Variants in PTGFR observed in about 807,000 individuals in gnomAD.
PTGFR encodes the protein prostaglandin F2-alpha receptor.
PTGFR carries 15 observed loss-of-function variants against 26.2 expected under a neutral mutation model. The ratio of observed to expected loss-of-function variants is 0.57; its 90% CI spans 0.38 to 0.88. PTGFR has a LOEUF of 0.88. Among genes scored for constraint, PTGFR ranks in the 40% least tolerant of loss-of-function variants. The pLI, the probability that PTGFR is intolerant of heterozygous loss-of-function variation, is 0.00. For missense variants in PTGFR, 369 were observed against 427.2 expected, an observed-to-expected ratio of 0.86 and a Z score of 1.20; for synonymous variants, 165 against 151.1, an observed-to-expected ratio of 1.09 and a Z score of -0.68.
chr1:78,491,843 A>T (rs927579891), intron 1 of PTGFR, among the ~76,000 whole-genome samples: 1 of 152,214 alleles, frequency 6.6e-6, no homozygotes, highest in Non-Finnish European at 1.5e-5. Flanking sequence ...ATTAGCTCAG[A>T]GAAGAGTGGC....
chr1:78,513,187 G>T (rs758405602), intron 2 of PTGFR, among the ~76,000 whole-genome samples: 4 of 152,192 alleles, frequency 2.6e-5, no homozygotes, highest in Non-Finnish European at 4.4e-5. Flanking sequence ...ATGGGCAGAG[G>T]TTGGAAGAAT....
chr1:78,505,184 G>C (rs867040917), intron 2 of PTGFR, among the ~76,000 whole-genome samples: 1 of 145,220 alleles, frequency 6.9e-6, no homozygotes, highest in Non-Finnish European at 1.5e-5. Context: ...GTGCAGTGAC[G>C]TGACCTTGGC....
In PTGFR at chr1:78,519,388, T is replaced by C. The variant is rs114325157; in HGVS notation, c.799-17018T>C. 3.1e-3 allele frequency among the ~76,000 whole-genome samples: 471 copies of C among 152,224 alleles called. 3 individuals carry two copies. The highest frequency in any genetic ancestry group is 0.011 in the African/African-American group (461 of 41,540). On this transcript the variant is annotated intron_variant, in intron 2 of 2. Transcript: ENST00000370757. ...AATAGATAATAACCTCTGTAAAATA[T>C]AGATAATATTTTTGACTCTATCACT...
Position 78,501,608 on chromosome 1 carries a change from A to G in PTGFR, c.798+8067A>G, listed in dbSNP as rs1649707847. Among the ~76,000 whole-genome samples, 6 of 152,188 alleles carry G rather than the reference A, an allele frequency of 3.9e-5. No homozygotes were observed. In the South Asian group the frequency reaches 1.2e-3, roughly 32 times the overall value. On this transcript the variant is annotated intron_variant, in intron 2 of 2. Coordinates refer to ENST00000370757, the MANE Select transcript of PTGFR (RefSeq NM_000959.4). Reference sequence around the variant, plus strand: ...GAAATTCAGACTGTGGAATACTGAAATGGAGTGTGGCCGTGGTGTGATGGT... The same window carrying G: ...GAAATTCAGACTGTGGAATACTGAAGTGGAGTGTGGCCGTGGTGTGATGGT...
chr1:78,503,464 G>T (rs1016603517), intron 2 of PTGFR, among the ~76,000 whole-genome samples: 1 of 152,220 alleles, frequency 6.6e-6, no homozygotes, highest in Non-Finnish European at 1.5e-5. Flanking sequence ...GTTCATTTAC[G>T]TTTTCATTTA....
At position 78,495,778 on chromosome 1, in the gene PTGFR, T is replaced by C. The variant is rs1236668046; in HGVS notation, c.798+2237T>C. On this transcript the variant is annotated intron_variant, in intron 2 of 2. Coordinates refer to ENST00000370757, the MANE Select transcript of PTGFR (RefSeq NM_000959.4). ...TCTTGGTGTGGATATTTTGAATGTA[T>C]GTTTTTCCCTAATTTCCATTCCTGG... 2.6e-5 allele frequency among the ~76,000 whole-genome samples: 4 copies of C among 152,356 alleles called. No individual in the cohort carries two copies. The East Asian group carries it at 7.7e-4, about 29-fold the overall frequency.
intron 2 of PTGFR, among the ~76,000 whole-genome samples, chr1:78,528,008 A>G (rs1159875655): frequency 6.6e-6 from 1 of 152,086 alleles, no homozygotes; most frequent in Non-Finnish European, 1.5e-5. Context: ...GGAGAAAATT[A>G]TGTGGGGTAT....
intron 2 of PTGFR, among the ~76,000 whole-genome samples, chr1:78,525,161 G>A (rs546087877): frequency 6.6e-6 from 1 of 151,696 alleles, no homozygotes; most frequent in East Asian, 1.9e-4. Context: ...ATGTAACAAG[G>A]ACCCAGCAGG....
intron 2 of PTGFR, among the ~76,000 whole-genome samples, chr1:78,535,035 T>A (rs1196714203): frequency 6.6e-6 from 1 of 152,130 alleles, no homozygotes; most frequent in Non-Finnish European, 1.5e-5. Context: ...GAGAGAGTAA[T>A]GATGAGTGCT....
chr1:78,493,639 C>A, intron 2 of PTGFR, 98 bp downstream of exon 2: 1 of 1,209,420 alleles, frequency 8.3e-7, no homozygotes, highest in Non-Finnish European at 1.1e-6. Flanking sequence ...GAGAATGATC[C>A]CTACTCAAAA....
intron 2 of PTGFR, among the ~76,000 whole-genome samples, chr1:78,502,523 A>T (rs1377286296): frequency 6.6e-6 from 1 of 152,178 alleles, no homozygotes; most frequent in Admixed American, 6.5e-5. Context: ...CACTTAAAAT[A>T]GTGTTTGACA....
chr1:78,499,175 ACT>A (rs1649636203), intron 2 of PTGFR, among the ~76,000 whole-genome samples: 1 of 151,130 alleles, frequency 6.6e-6, no homozygotes, highest in Non-Finnish European at 1.5e-5. Context: ...TGCCTGGAAC[ACT>A]CTCCTCTTGA....
chr1:78,508,743 A>G (rs926864824), intron 2 of PTGFR, among the ~76,000 whole-genome samples: 5 of 152,140 alleles, frequency 3.3e-5, no homozygotes, highest in Non-Finnish European at 7.3e-5. Flanking sequence ...CACCTTCTTA[A>G]CCCAGAGGGT....
At chr1:78,532,099 T>C (rs1325728965) in intron 2 of PTGFR, 8 of 333,260 alleles carry the variant, frequency 2.4e-5, no homozygotes, top group Non-Finnish European at 3.5e-5. Flanking sequence ...TGGCATGTTT[T>C]TGGCATTTGT....
At chr1:78,517,117 G>A (rs1650105520) in intron 2 of PTGFR, among the ~76,000 whole-genome samples, 3 of 152,064 alleles carry the variant, frequency 2.0e-5, no homozygotes, top group Admixed American at 1.3e-4. Flanking sequence ...GTAAAAATTC[G>A]CTATATGAAG....
chr1:78,521,421 A>G (rs1650240114), intron 2 of PTGFR, among the ~76,000 whole-genome samples: 1 of 152,092 alleles, frequency 6.6e-6, no homozygotes, highest in Non-Finnish European at 1.5e-5. Context: ...CAGTGTTCTA[A>G]ATATTTTGAC....
rs1271166074 is a variant in PTGFR, at chr1:78,539,245, GA to G, written c.*2559del. ...CTGAAAGTTAATACATACATATGTA[GA>G]TATATTTTGTTATGTGATAAATGTT... On this transcript the variant is annotated 3_prime_UTR_variant, in exon 3 of 3. Transcript: ENST00000370757. 3 of 151,868 alleles carry G rather than the reference GA, an allele frequency of 2.0e-5. No individual in the cohort carries two copies. Among genetic ancestry groups the G allele is most frequent in the Non-Finnish European group, 4.4e-5 (3 of 67,930 alleles). The allele number at this position is 151,868 out of a possible 1,614,324, so 9.4% of individuals were successfully genotyped here.
chr1:78,496,794 A>G (rs898394064), intron 2 of PTGFR, among the ~76,000 whole-genome samples: 3 of 152,142 alleles, frequency 2.0e-5, no homozygotes, highest in Admixed American at 1.3e-4. Context: ...ATTCTCTCTC[A>G]TGTTAATAGA....
intron 2 of PTGFR, among the ~76,000 whole-genome samples, chr1:78,517,553 G>C (rs1650119437): frequency 6.6e-6 from 1 of 152,118 alleles, no homozygotes; most frequent in East Asian, 1.9e-4. Flanking sequence ...ACTGGGGCAG[G>C]GTGGTTGAGC....
Sources: gnomAD v4.1 joint callset for allele counts (sites outside exome capture counted in the v4.1 genomes callset) on GRCh38, gnomAD v4.1.1 for gene constraint, MANE v1.5 for transcripts, NCBI Gene and HGNC (gene_info 2026-07-23, HGNC 2026-07-21) for gene names.